The following GALNTL6 variants were observed in gnomAD, a reference collection of about 807,000 sequenced individuals.
GALNTL6 encodes polypeptide N-acetylgalactosaminyltransferase like 6, also known as polypeptide N-acetylgalactosaminyltransferase-like 6.
Under a neutral mutation model 73.7 loss-of-function variants are expected in GALNTL6, and 46 were observed. The ratio of observed to expected loss-of-function variants is 0.62; its 90% CI spans 0.49 to 0.80. The LOEUF is 0.80. Ranked by LOEUF, GALNTL6 falls within the 30% of genes least tolerant of loss-of-function variation. The probability of loss-of-function intolerance (pLI) is 0.00; values close to 1 mark genes in which losing one functional copy is unlikely to be tolerated. For synonymous variants in GALNTL6, 259 were observed against 263.7 expected (o/e 0.98, Z 0.17); for missense variants, 604 against 755.0 (o/e 0.80, Z 2.34).
chr4:173,011,303 G>A (rs1752542464), intron 11 of GALNTL6, among the ~76,000 whole-genome samples: 1 of 152,000 alleles, frequency 6.6e-6, no homozygotes. Flanking sequence ...CCATTCTGTG[G>A]GTTGTCTCTT....
intron 5 of GALNTL6, among the ~76,000 whole-genome samples, chr4:172,496,904 A>C (rs1054058998): frequency 6.6e-6 from 1 of 152,180 alleles, no homozygotes; most frequent in Non-Finnish European, 1.5e-5. Flanking sequence ...GATTCCTTTC[A>C]GTGTTATCAT....
intron 3 of GALNTL6, among the ~76,000 whole-genome samples, chr4:172,279,321 T>A (rs1406526077): frequency 6.6e-6 from 1 of 152,128 alleles, no homozygotes; most frequent in Non-Finnish European, 1.5e-5. Flanking sequence ...AAATATCTGA[T>A]AAGGCATTAT....
chr4:172,173,069 A>G (rs1240266009), intron 2 of GALNTL6, among the ~76,000 whole-genome samples: 1 of 152,140 alleles, frequency 6.6e-6, no homozygotes, highest in African/African-American at 2.4e-5. Flanking sequence ...GATGGGCAAG[A>G]TTTTGGCCAT....
chr4:172,691,776 A>G (rs1476417557), intron 5 of GALNTL6, among the ~76,000 whole-genome samples: 1 of 152,254 alleles, frequency 6.6e-6, no homozygotes, highest in Admixed American at 6.5e-5. Flanking sequence ...GTCTGGCAGT[A>G]CTGTGATAGT....
chr4:173,034,724 CT>C (rs2126539816), intron 12 of GALNTL6, among the ~76,000 whole-genome samples: 1 of 152,300 alleles, frequency 6.6e-6, no homozygotes, highest in Non-Finnish European at 1.5e-5. Context: ...GGCCCCACCC[CT>C]GGCACTCCAG....
chr4:171,942,099 T>C (rs1738563473), intron 2 of GALNTL6, among the ~76,000 whole-genome samples: 1 of 151,946 alleles, frequency 6.6e-6, no homozygotes, highest in South Asian at 2.1e-4. Flanking sequence ...ATAACAAACA[T>C]TTAAAAATAG....
intron 5 of GALNTL6, among the ~76,000 whole-genome samples, chr4:172,489,563 AG>A (rs373772607): frequency 3.3e-5 from 5 of 152,358 alleles, no homozygotes; most frequent in African/African-American, 9.6e-5. Flanking sequence ...AAATATGACT[AG>A]GCAAAATTTA....
chr4:172,761,000 G>A (rs1201206640), intron 5 of GALNTL6, among the ~76,000 whole-genome samples: 1 of 152,164 alleles, frequency 6.6e-6, no homozygotes, highest in Non-Finnish European at 1.5e-5. Flanking sequence ...AATAGAAACA[G>A]GGAGTCAATT....
intron 5 of GALNTL6, among the ~76,000 whole-genome samples, chr4:172,492,081 TAA>T (rs993483875): frequency 2.8e-4 from 42 of 152,132 alleles, no homozygotes; most frequent in African/African-American, 9.9e-4. Flanking sequence ...TATTCACTCA[TAA>T]AGTCAGCATC....
chr4:172,657,184 C>T (rs984426902), intron 5 of GALNTL6, among the ~76,000 whole-genome samples: 3 of 152,166 alleles, frequency 2.0e-5, no homozygotes, highest in Admixed American at 6.5e-5. Context: ...CTTCTTCAAG[C>T]TTCATGATAC....
At position 172,732,074 on chromosome 4, in the gene GALNTL6, C is replaced by A. The variant is rs149383019; in HGVS notation, c.554-77287C>A. On this transcript the variant is annotated intron_variant, in intron 5 of 12. Transcript: ENST00000506823. Reference sequence around the variant, plus strand: ...TCCTATTAGATCTAGTGTGTAGTTTCTCTCCACTGTTTCCTTGTTGATTTT... The same window carrying A: ...TCCTATTAGATCTAGTGTGTAGTTTATCTCCACTGTTTCCTTGTTGATTTT... 1.7e-3 allele frequency among the ~76,000 whole-genome samples: 257 copies of A among 152,012 alleles called. 1 individual carries two copies. The highest frequency in any genetic ancestry group is 6.0e-3 in the African/African-American group (250 of 41,480).
At chr4:172,893,350 G>T (rs1038093955) in intron 8 of GALNTL6, among the ~76,000 whole-genome samples, 11 of 151,896 alleles carry the variant, frequency 7.2e-5, no homozygotes, top group Non-Finnish European at 1.0e-4. Context: ...AGTGGCGGGG[G>T]GGGGGTCTTC....
At chr4:172,174,501 T>C (rs929428587) in intron 2 of GALNTL6, among the ~76,000 whole-genome samples, 5 of 152,172 alleles carry the variant, frequency 3.3e-5, no homozygotes, top group Non-Finnish European at 5.9e-5. Context: ...AAAATTACTT[T>C]ATGTGAAATT....
At chr4:172,773,253 A>G (rs967807289) in intron 5 of GALNTL6, among the ~76,000 whole-genome samples, 2 of 152,114 alleles carry the variant, frequency 1.3e-5, no homozygotes, top group African/African-American at 4.8e-5. Context: ...AGCCTGCAGT[A>G]CAGTGGCACG....
chr4:172,883,383 G>A (rs979388129), intron 8 of GALNTL6, among the ~76,000 whole-genome samples: 1 of 152,210 alleles, frequency 6.6e-6, no homozygotes, highest in African/African-American at 2.4e-5. Flanking sequence ...TCTGCAGGCT[G>A]CACAAGAAGT....
intron 5 of GALNTL6, among the ~76,000 whole-genome samples, chr4:172,471,241 A>G (rs1029097856): frequency 6.6e-6 from 1 of 152,160 alleles, no homozygotes; most frequent in African/African-American, 2.4e-5. Context: ...AACGCTAAGA[A>G]CTGACTAGAA....
chr4:172,831,299 C>T (rs1392748702), intron 7 of GALNTL6, among the ~76,000 whole-genome samples: 1 of 151,708 alleles, frequency 6.6e-6, no homozygotes, highest in Non-Finnish European at 1.5e-5. Flanking sequence ...AGAACCCAAG[C>T]ACAGTAATAG....
chr4:172,420,176 A>C (rs1380970934), intron 5 of GALNTL6, among the ~76,000 whole-genome samples: 1 of 152,214 alleles, frequency 6.6e-6, no homozygotes, highest in African/African-American at 2.4e-5. Flanking sequence ...TTTACAGTCT[A>C]GGCTCATTGT....
At chr4:172,027,974 A>G (rs974793582) in intron 2 of GALNTL6, among the ~76,000 whole-genome samples, 1 of 152,132 alleles carries the variant, frequency 6.6e-6, no homozygotes, top group Non-Finnish European at 1.5e-5. Context: ...AGAAAAGTGC[A>G]AAGTATAGCG....
Sources: gnomAD v4.1 joint callset for allele counts (sites outside exome capture counted in the v4.1 genomes callset) on GRCh38, gnomAD v4.1.1 for gene constraint, MANE v1.5 for transcripts, NCBI Gene and HGNC (gene_info 2026-07-23, HGNC 2026-07-21) for gene names.